IL17REL: variants seen among roughly 807,000 people sequenced by gnomAD.
IL17REL encodes the protein interleukin 17 receptor E like.
In IL17REL, 36 loss-of-function variants were observed where a neutral mutation model predicts 49.0. The observed-to-expected ratio is 0.73, with a 90% CI of 0.56 to 0.97. The LOEUF is 0.97. Ranked by LOEUF, IL17REL falls within the 50% of genes least tolerant of loss-of-function variation. The probability of loss-of-function intolerance (pLI) is 0.00; values close to 1 mark genes in which losing one functional copy is unlikely to be tolerated. For missense variants in IL17REL, 470 were observed against 453.9 expected, an observed-to-expected ratio of 1.04 and a Z score of -0.32; for synonymous variants, 206 against 192.4, an observed-to-expected ratio of 1.07 and a Z score of -0.58.
rs2061032893 is a variant in IL17REL at position 49,996,142 on chromosome 22, G to A, written c.*763C>T. 1.3e-5 allele frequency: 2 copies of A among 152,308 alleles called. 1 individual carries two copies. Among genetic ancestry groups the A allele is most frequent in the South Asian group, 4.1e-4 (2 of 4,832 alleles). 9.4% of individuals were successfully genotyped at this position (152,308 alleles called of 1,614,324 possible). ...AATGGCTGTGGCTCAGCTGAGCTGA[G>A]GAGACATTCCAGAGACCCCTGCCTG... On this transcript the variant is annotated 3_prime_UTR_variant, in exon 13 of 13. Transcript: ENST00000341280.
chr22:50,010,990 G>A (rs963852418), upstream of IL17REL, among the ~76,000 whole-genome samples: 1 of 139,738 alleles, frequency 7.2e-6, no homozygotes. Context: ...GCCTCCCGCC[G>A]TCACCCGCGC....
intron 9 of IL17REL, 74 bp from the exon 12 acceptor site, chr22:49,997,816 G>T: frequency 1.3e-6 from 2 of 1,502,932 alleles, no homozygotes; most frequent in South Asian, 1.1e-5. Flanking sequence ...GCAGGGACAG[G>T]GACAGGCTGG....
chr22:50,000,966 C>A (rs1048496354), intron 2 of IL17REL, 103 bp from the exon 4 acceptor site: 4 of 1,249,094 alleles, frequency 3.2e-6, no homozygotes, highest in Non-Finnish European at 4.5e-6. Context: ...CTGTGAAGTG[C>A]GGTTAGCAGC....
intron 9 of IL17REL, 141 bp from the exon 12 acceptor site, chr22:49,997,883 C>G: frequency 7.2e-7 from 1 of 1,388,632 alleles, no homozygotes; most frequent in Non-Finnish European, 1.0e-6. Context: ...AGCTCACCCA[C>G]TGTCAGACCA....
chr22:49,997,704 G>A (rs200028614), exon 10 of IL17REL: 43 of 1,613,944 alleles, frequency 2.7e-5, no homozygotes, highest in Admixed American at 5.0e-5. Context: ...GACGCTGTTC[G>A]AAAGGGCACC....
chr22:50,004,304 C>G (rs2146754044), intron 1 of IL17REL, among the ~76,000 whole-genome samples: 1 of 152,250 alleles, frequency 6.6e-6, no homozygotes, highest in Admixed American at 6.5e-5. Context: ...GTCTTGAACT[C>G]CTGACGGCAA....
At chr22:50,002,058 C>T (rs1275223602) in intron 1 of IL17REL, among the ~76,000 whole-genome samples, 1 of 152,220 alleles carries the variant, frequency 6.6e-6, no homozygotes, top group Non-Finnish European at 1.5e-5. Context: ...ACAGCAGGTG[C>T]AGCCAGTTCC....
intron 7 of IL17REL, 82 bp downstream of exon 9, chr22:49,999,209 C>A: frequency 6.6e-7 from 1 of 1,520,814 alleles, no homozygotes; most frequent in South Asian, 1.1e-5. Flanking sequence ...TATCTCATCC[C>A]CCCACGTCAG....
At chr22:50,000,972 G>C in intron 2 of IL17REL, 109 bp from the exon 4 acceptor site, 1 of 1,255,424 alleles carries the variant, frequency 8.0e-7, no homozygotes, top group Non-Finnish European at 1.1e-6. Flanking sequence ...AGTGCGGTTA[G>C]CAGCCCCCCT....
At chr22:50,002,490 CTTTTCT>C (rs984553209) in intron 1 of IL17REL, among the ~76,000 whole-genome samples, 1 of 134,298 alleles carries the variant, frequency 7.4e-6, no homozygotes, top group Non-Finnish European at 1.6e-5. Context: ...TCTTTCTTTT[CTTTTCT>C]TTTTTTTTTT....
In IL17REL at chr22:49,999,978, C is replaced by A. The variant is rs1465021213; in HGVS notation, c.335-11G>T. The A allele has an allele frequency of 2.0e-6, 3 of 1,497,304 alleles. No homozygotes were observed. The highest frequency in any genetic ancestry group is 2.2e-5 in the Admixed American group (1 of 44,938). The allele number at this position is 1,497,304 out of a possible 1,614,324, so 92.8% of individuals were successfully genotyped here. On this transcript the variant is annotated splice_polypyrimidine_tract_variant and intron_variant, in intron 4 of 12. Coordinates refer to ENST00000341280, the Ensembl canonical transcript of IL17REL. ...AGCTGAGCTTCCCCGCTGCAGGAGG[C>A]GGCAAGTCGGGGCCGCGCTGGGACC...
rs1013602551 is a variant in IL17REL at position 50,001,003 on chromosome 22, G to T, written c.109+79C>A. On this transcript the variant is annotated intron_variant, in intron 2 of 12. Coordinates refer to ENST00000341280, the Ensembl canonical transcript of IL17REL. ...CCCCTCCCTCACCAGGCCGCCCAAG[G>T]TTTGATGGGAATAAAAGGCACCTGG... The T allele has an allele frequency of 8.4e-6, 11 of 1,310,556 alleles. No individual in the cohort carries two copies. In the African/African-American group the frequency reaches 1.0e-4, roughly 12 times the overall value. The allele number at this position is 1,310,556 out of a possible 1,614,324, so 81.2% of individuals were successfully genotyped here.
chr22:50,003,703 C>A (rs576966765), intron 1 of IL17REL, among the ~76,000 whole-genome samples: 1 of 152,022 alleles, frequency 6.6e-6, no homozygotes, highest in Non-Finnish European at 1.5e-5. Flanking sequence ...TATCAGCAAA[C>A]AGGGAATGAA....
intron 1 of IL17REL, among the ~76,000 whole-genome samples, chr22:50,003,625 T>A (rs1465590359): frequency 6.6e-6 from 1 of 150,774 alleles, no homozygotes; most frequent in African/African-American, 2.4e-5. Context: ...AAACCACTTA[T>A]CATCTCAATA....
intron 1 of IL17REL, among the ~76,000 whole-genome samples, chr22:50,006,676 G>A (rs543006997): frequency 5.8e-4 from 89 of 152,216 alleles, no homozygotes; most frequent in Non-Finnish European, 2.4e-4. Context: ...GATTGGGGCC[G>A]GGCGCAGTGG....
chr22:50,003,842 G>A (rs868677762), intron 1 of IL17REL, among the ~76,000 whole-genome samples: 3 of 151,914 alleles, frequency 2.0e-5, no homozygotes, highest in Non-Finnish European at 4.4e-5. Context: ...TTCTCACTTC[G>A]ACTCAATACT....
rs1601888443 is a variant in IL17REL at position 50,000,967 on chromosome 22, G to A, written c.110-104C>T. ...CCTCTGCCTTCTCTCTGTGAAGTGC[G>A]GTTAGCAGCCCCCCTCCCTCACCAG... On this transcript the variant is annotated intron_variant, in intron 2 of 12. Coordinates refer to ENST00000341280, the Ensembl canonical transcript of IL17REL. The A allele has an allele frequency of 1.4e-5, 17 of 1,257,910 alleles. No homozygotes were observed. The East Asian group carries it at 3.1e-4, about 23-fold the overall frequency. The allele number at this position is 1,257,910 out of a possible 1,614,324, so 77.9% of individuals were successfully genotyped here.
Position 49,999,827 on chromosome 22 carries a change from C to G in IL17REL, c.474+1G>C. 4.0e-6 allele frequency: 6 copies of G among 1,509,338 alleles called. No individual in the cohort carries two copies. The highest frequency in any genetic ancestry group is 5.3e-6 in the Non-Finnish European group (6 of 1,128,838). The allele number at this position is 1,509,338 out of a possible 1,614,324, so 93.5% of individuals were successfully genotyped here. ...CCGGGGCCCGGGGCGCGGGCGCTCACTCGCACAGGGGCGCCGGCGTCCTCG... is the reference window on the plus strand; with the variant it reads ...CCGGGGCCCGGGGCGCGGGCGCTCAGTCGCACAGGGGCGCCGGCGTCCTCG... On this transcript the variant is annotated splice_donor_variant, in intron 5 of 12. Coordinates refer to ENST00000341280, the Ensembl canonical transcript of IL17REL. LOFTEE classifies it high-confidence loss of function.
At chr22:50,010,274 C>T (rs892919856), upstream of IL17REL, among the ~76,000 whole-genome samples, 5 of 152,240 alleles carry the variant, frequency 3.3e-5, no homozygotes, top group African/African-American at 9.6e-5. Flanking sequence ...AACGAGGGGC[C>T]GGCGGAGCTG....
Sources: allele counts gnomAD v4.1 joint callset (sites outside exome capture counted in the v4.1 genomes callset), GRCh38; gene constraint gnomAD v4.1.1; transcripts MANE v1.5; gene names NCBI Gene and HGNC (gene_info 2026-07-23, HGNC 2026-07-21).